The following CACNA2D3 variants were observed in gnomAD, a reference collection of about 807,000 sequenced individuals.
CACNA2D3 encodes the protein voltage-dependent calcium channel subunit alpha-2/delta-3.
A neutral mutation model predicts 160.6 loss-of-function variants in CACNA2D3; 60 were observed. That is an observed-to-expected ratio of 0.37 (90% CI 0.30 to 0.46). CACNA2D3 has a LOEUF of 0.46. Among genes scored for constraint, CACNA2D3 ranks in the 20% least tolerant of loss-of-function variants. The probability of loss-of-function intolerance (pLI) is 1.00; values close to 1 mark genes in which losing one functional copy is unlikely to be tolerated. For missense variants in CACNA2D3, 1,205 were observed against 1,365.0 expected (o/e 0.88, Z 1.85); for synonymous variants, 558 against 492.9 (o/e 1.13, Z -1.75).
intron 35 of CACNA2D3, among the ~76,000 whole-genome samples, chr3:55,069,840 C>T (rs1279102479): frequency 1.3e-5 from 2 of 152,162 alleles, no homozygotes; most frequent in African/African-American, 2.4e-5. Flanking sequence ...AGATTGTTTA[C>T]AATGCTATAC....
chr3:55,020,331 G>T (rs140289808), intron 35 of CACNA2D3, among the ~76,000 whole-genome samples: 5 of 148,538 alleles, frequency 3.4e-5, no homozygotes, highest in Admixed American at 2.0e-4. Flanking sequence ...TGTACATATC[G>T]TATGTATGTA....
At chr3:54,896,677 T>A in intron 25 of CACNA2D3, 72 bp from the exon 26 acceptor site, 1 of 1,593,732 alleles carries the variant, frequency 6.3e-7, no homozygotes, top group Non-Finnish European at 8.6e-7. Context: ...TGATGAAGGC[T>A]GTCGGGGTGC....
At chr3:54,521,702 C>G (rs1037390269) in intron 5 of CACNA2D3, among the ~76,000 whole-genome samples, 2 of 152,044 alleles carry the variant, frequency 1.3e-5, no homozygotes, top group African/African-American at 4.8e-5. Context: ...GGCTTGTGCT[C>G]TATTTGAGTT....
chr3:55,050,086 G>A (rs1417779734), intron 35 of CACNA2D3, among the ~76,000 whole-genome samples: 2 of 151,590 alleles, frequency 1.3e-5, no homozygotes, highest in African/African-American at 4.9e-5. Context: ...TTTAATTGGA[G>A]CATTTAGTCC....
At chr3:54,814,284 G>A (rs1053299006) in intron 13 of CACNA2D3, among the ~76,000 whole-genome samples, 6 of 152,172 alleles carry the variant, frequency 3.9e-5, no homozygotes, top group Non-Finnish European at 7.4e-5. Flanking sequence ...AAAACCTAGC[G>A]GCCATCCAAG....
chr3:54,201,555 T>G (rs1050509801), intron 2 of CACNA2D3, among the ~76,000 whole-genome samples: 5 of 152,242 alleles, frequency 3.3e-5, no homozygotes, highest in Non-Finnish European at 4.4e-5. Flanking sequence ...TGTAAGATTA[T>G]TTAGTAAATA....
chr3:54,380,608 G>C (rs1011877464), intron 3 of CACNA2D3, among the ~76,000 whole-genome samples: 1 of 151,986 alleles, frequency 6.6e-6, no homozygotes, highest in African/African-American at 2.4e-5. Flanking sequence ...CATGGTAGCG[G>C]GCACCTGTAG....
intron 17 of CACNA2D3, among the ~76,000 whole-genome samples, chr3:54,851,896 C>T (rs1436718155): frequency 6.6e-6 from 1 of 152,182 alleles, no homozygotes; most frequent in Non-Finnish European, 1.5e-5. Context: ...CATCTCAATT[C>T]AGGCAAGCCA....
intron 11 of CACNA2D3, among the ~76,000 whole-genome samples, chr3:54,687,946 T>TTTTTG (rs1270159775): frequency 6.6e-6 from 1 of 152,218 alleles, no homozygotes; most frequent in Non-Finnish European, 1.5e-5. Context: ...CAACAGGTTT[T>TTTTTG]TTTTGTTTTG....
chr3:54,281,704 T>A (rs1215184009), intron 2 of CACNA2D3, among the ~76,000 whole-genome samples: 1 of 152,220 alleles, frequency 6.6e-6, no homozygotes, highest in African/African-American at 2.4e-5. Context: ...TTATATTTTA[T>A]TGTATAGAAT....
At chr3:54,564,359 C>T (rs371350387) in intron 6 of CACNA2D3, among the ~76,000 whole-genome samples, 9 of 152,188 alleles carry the variant, frequency 5.9e-5, no homozygotes, top group African/African-American at 2.2e-4. Context: ...TTGGTTCAGC[C>T]ATGCTTACTG....
intron 24 of CACNA2D3, among the ~76,000 whole-genome samples, chr3:54,888,349 GC>G (rs1433282045): frequency 6.6e-6 from 1 of 152,086 alleles, no homozygotes; most frequent in Non-Finnish European, 1.5e-5. Flanking sequence ...TGCCTGCCTC[GC>G]CACAGCTCTC....
intron 35 of CACNA2D3, among the ~76,000 whole-genome samples, chr3:55,058,034 C>T (rs908908134): frequency 2.0e-5 from 3 of 152,120 alleles, no homozygotes; most frequent in Admixed American, 6.5e-5. Context: ...AAAACATTGC[C>T]TTTCATCCAG....
At chr3:54,859,457 G>A (rs1699237713) in intron 17 of CACNA2D3, among the ~76,000 whole-genome samples, 1 of 152,164 alleles carries the variant, frequency 6.6e-6, no homozygotes, top group South Asian at 2.1e-4. Context: ...TAATACATTT[G>A]GAATTTTGAG....
Position 54,896,959 on chromosome 3 carries a change from C to A in CACNA2D3, c.2368+89C>A. On this transcript the variant is annotated intron_variant, in intron 26 of 37. Coordinates refer to ENST00000474759, the MANE Select transcript of CACNA2D3 (RefSeq NM_018398.3). ...AGGGTGTTGGGGAGCTGCCTGAATG[C>A]TGAAAGGAACCAAGTTCAACCCTCA... is the stretch of plus-strand genomic sequence containing the variant. 2.6e-6 allele frequency: 4 copies of A among 1,543,030 alleles called. No homozygotes were observed. The South Asian group carries it at 4.5e-5, about 17-fold the overall frequency.
chr3:54,359,232 TA>T (rs1191193839), intron 3 of CACNA2D3, among the ~76,000 whole-genome samples: 1 of 152,174 alleles, frequency 6.6e-6, no homozygotes, highest in East Asian at 1.9e-4. Flanking sequence ...CACCTTCAAG[TA>T]GGAATAAATT....
intron 22 of CACNA2D3, 28 bp downstream of exon 22, chr3:54,885,354 C>G: frequency 6.2e-7 from 1 of 1,613,336 alleles, no homozygotes; most frequent in South Asian, 1.1e-5. Flanking sequence ...CCTCCTTGAC[C>G]ATGGCATCCT....
chr3:54,516,980 C>T lies in CACNA2D3; in HGVS notation c.544+13326C>T, dbSNP rs527790288. On this transcript the variant is annotated intron_variant, in intron 5 of 37. Transcript: ENST00000474759. ...ACTAGTGAGATAGTGGAAGTTTCCC[C>T]CTGCAGGAGTGGGAGCCCCAGAAAA... Among the ~76,000 whole-genome samples, 36 of 152,232 alleles carry T rather than the reference C, an allele frequency of 2.4e-4. No homozygotes were observed. In the South Asian group the frequency reaches 4.2e-3, roughly 18 times the overall value.
chr3:55,028,870 G>A (rs1703621280), intron 35 of CACNA2D3, among the ~76,000 whole-genome samples: 1 of 152,044 alleles, frequency 6.6e-6, no homozygotes, highest in Non-Finnish European at 1.5e-5. Context: ...CATCTTCCTG[G>A]AAGCCCCAAA....
Sources: gnomAD v4.1 joint callset for allele counts (sites outside exome capture counted in the v4.1 genomes callset) on GRCh38, gnomAD v4.1.1 for gene constraint, MANE v1.5 for transcripts, NCBI Gene and HGNC (gene_info 2026-07-23, HGNC 2026-07-21) for gene names.